The following ANK3 variants were observed in gnomAD, a reference collection of about 807,000 sequenced individuals.
ANK3 encodes ankyrin-3.
ANK3 carries 57 observed loss-of-function variants against 370.9 expected under a neutral mutation model. The ratio of observed to expected loss-of-function variants is 0.15; its 90% CI spans 0.12 to 0.19. The LOEUF is 0.19. Among genes scored for constraint, ANK3 ranks in the 10% least tolerant of loss-of-function variants. The probability of loss-of-function intolerance (pLI) is 1.00; values close to 1 mark genes in which losing one functional copy is unlikely to be tolerated. For synonymous variants in ANK3, 1,929 were observed against 1,946.3 expected (o/e 0.99, Z 0.23); for missense variants, 4,439 against 5,302.1 (o/e 0.84, Z 5.06).
Position 60,693,644 on chromosome 10 carries a change from A to AC in ANK3, c.57+39618dup, listed in dbSNP as rs1384240863. On this transcript the variant is annotated intron_variant, in intron 1 of 43. Coordinates refer to the ANK3 transcript ENST00000373827. ...GGCACCCCCCAGCAGGGGCAGATTGACCCCTCACACAGCCAGGTACTCCAA... is the reference window on the plus strand; with the variant it reads ...GGCACCCCCCAGCAGGGGCAGATTGACCCCCTCACACAGCCAGGTACTCCAA... Among the ~76,000 whole-genome samples the AC allele has an allele frequency of 2.0e-5, 3 of 152,154 alleles. No homozygotes were observed. In the South Asian group the frequency reaches 6.2e-4, roughly 32 times the overall value.
At position 60,279,116 on chromosome 10, in the gene ANK3, T is replaced by C; in HGVS notation, c.249A>G (p.Lys83=). The C allele has an allele frequency of 6.2e-7, 1 of 1,613,860 alleles. No individual in the cohort carries two copies. Among genetic ancestry groups the C allele is most frequent in the Non-Finnish European group, 8.5e-7 (1 of 1,179,880 alleles). ...CAGAAACAACCTCTACATGGCCTTCTTTGGAAGCAAGGTGGAGAGCGTTCA... is the reference window on the plus strand; with the variant it reads ...CAGAAACAACCTCTACATGGCCTTCCTTGGAAGCAAGGTGGAGAGCGTTCA... ...NGLNALHLAS[K]EGHVEVVSEL... is the part of the protein sequence containing the mutation. Residue 83 remains lysine (K), a synonymous_variant, in exon 3 of 44, where the codon AAA becomes AAG. Transcript: ENST00000280772.
At chr10:60,558,549 A>C (rs1567144623) in intron 2 of ANK3, among the ~76,000 whole-genome samples, 1 of 152,240 alleles carries the variant, frequency 6.6e-6, no homozygotes, top group East Asian at 1.9e-4. Flanking sequence ...CTTATATACC[A>C]CCCTATTCCC....
chr10:60,250,399 C>G (rs1175927159), intron 7 of ANK3, among the ~76,000 whole-genome samples: 1 of 152,180 alleles, frequency 6.6e-6, no homozygotes, highest in African/African-American at 2.4e-5. Context: ...GAGTCTCGCT[C>G]TGTCGCCCAG....
chr10:60,081,674 C>T (rs546170035), intron 35 of ANK3: 58 of 330,376 alleles, frequency 1.8e-4, no homozygotes, highest in African/African-American at 1.2e-3. Flanking sequence ...AATGTTATAA[C>T]ATGCTGGATA....
rs758097288 is a variant in ANK3, at chr10:60,076,157, C to T, written c.4724G>A (p.Arg1575Gln). ...AGTTTTTATCGGCGAAGACATTGTCCGAAAGGATCTAATTGGAGATGCCAC... is the reference window on the plus strand; with the variant it reads ...AGTTTTTATCGGCGAAGACATTGTCTGAAAGGATCTAATTGGAGATGCCAC... ...SDVASPIRSF[R>Q]TMSSPIKTVV... Residue 1575 changes from arginine to glutamine, a missense_variant, in exon 37 of 44, where the codon CGG becomes CAG. Arg to Gln is a conservative substitution (Grantham distance 43, BLOSUM62 1). Transcript: ENST00000280772. 1.1e-5 allele frequency: 17 copies of T among 1,614,112 alleles called. No homozygotes were observed. The highest frequency in any genetic ancestry group is 2.7e-5 in the African/African-American group (2 of 75,016).
intron 2 of ANK3, among the ~76,000 whole-genome samples, chr10:60,614,429 A>G (rs368788905): frequency 1.3e-5 from 2 of 152,338 alleles, no homozygotes; most frequent in South Asian, 4.1e-4. Context: ...CTATTTCTAT[A>G]TGAAGAAAAT....
chr10:60,155,897 G>A (rs533101946), intron 23 of ANK3, among the ~76,000 whole-genome samples: 2 of 152,314 alleles, frequency 1.3e-5, no homozygotes, highest in South Asian at 4.1e-4. Context: ...CAGGCCTTTG[G>A]CCACAGACTG....
At chr10:60,629,624 C>A (rs1214323530) in intron 1 of ANK3, among the ~76,000 whole-genome samples, 1 of 151,908 alleles carries the variant, frequency 6.6e-6, no homozygotes, top group Non-Finnish European at 1.5e-5. Flanking sequence ...GTCTAGAGAC[C>A]AAATAGCTCA....
In ANK3 at chr10:60,111,702, AGG is replaced by A. The variant is rs1386572208; in HGVS notation, c.2948+2521_2948+2522del. ...ATTCACATAAATTAAAAATACAAAA[AGG>A]ATGGTTCACATAAAGGACACAGTTA... On this transcript the variant is annotated intron_variant, in intron 26 of 43. Coordinates refer to ENST00000280772, the MANE Select transcript of ANK3 (RefSeq NM_020987.5). 8.9e-6 allele frequency: 4 copies of A among 450,716 alleles called. No homozygotes were observed. In the Admixed American group the frequency reaches 9.6e-5, roughly 11 times the overall value. The allele number at this position is 450,716 out of a possible 1,614,324, so 27.9% of individuals were successfully genotyped here. A position where few individuals can be genotyped will look rare whatever the true frequency, so the allele number is the denominator to read the frequency against.
chr10:60,063,962 A>C (rs530548630), intron 39 of ANK3, among the ~76,000 whole-genome samples, 195 bp downstream of exon 39: 2 of 152,360 alleles, frequency 1.3e-5, no homozygotes, highest in South Asian at 4.1e-4. Flanking sequence ...TCTGAAGAAT[A>C]GAAGTTTAGA....
At chr10:60,150,024 G>A (rs1008887243) in intron 23 of ANK3, among the ~76,000 whole-genome samples, 2 of 152,174 alleles carry the variant, frequency 1.3e-5, no homozygotes, top group African/African-American at 4.8e-5. Context: ...TACCACTTGT[G>A]CTCTTTTGAT....
At chr10:60,100,485 C>G (rs192029162) in intron 28 of ANK3, among the ~76,000 whole-genome samples, 4 of 152,200 alleles carry the variant, frequency 2.6e-5, no homozygotes, top group Admixed American at 2.6e-4. Context: ...TCTGAGAAGT[C>G]TGTTTCTAAG....
intron 1 of ANK3, 96 bp downstream of exon 1, chr10:60,389,329 A>G: frequency 2.6e-6 from 3 of 1,145,312 alleles, no homozygotes; most frequent in Admixed American, 2.1e-5. Flanking sequence ...TCTACCCAGC[A>G]TGTAAAAATA....
chr10:60,422,955 C>G (rs577512049), intron 2 of ANK3, among the ~76,000 whole-genome samples: 32 of 152,132 alleles, frequency 2.1e-4, no homozygotes, highest in African/African-American at 6.7e-4. Flanking sequence ...CAATGAGGCA[C>G]TATTGACATT....
At position 60,213,396 on chromosome 10, in the gene ANK3, C is replaced by T. The variant is rs767933924; in HGVS notation, c.996+16G>A. On this transcript the variant is annotated intron_variant, in intron 9 of 43. Coordinates refer to ENST00000280772, the MANE Select transcript of ANK3 (RefSeq NM_020987.5). ...ATAAATACAGTCCAATGTCCAGAAA[C>T]CTGAAAAGAAATTACCTTGGTTTTT... The T allele has an allele frequency of 1.3e-6, 2 of 1,588,080 alleles. No individual in the cohort carries two copies. The highest frequency in any genetic ancestry group is 1.7e-6 in the Non-Finnish European group (2 of 1,157,820).
intron 2 of ANK3, among the ~76,000 whole-genome samples, chr10:60,583,996 A>G (rs2077795316): frequency 6.6e-6 from 1 of 152,168 alleles, no homozygotes; most frequent in African/African-American, 2.4e-5. Context: ...GAACCATCAC[A>G]TTGTACCCCC....
At chr10:60,723,937 GC>G (rs1725677402) in intron 1 of ANK3, among the ~76,000 whole-genome samples, 1 of 151,888 alleles carries the variant, frequency 6.6e-6, no homozygotes, top group African/African-American at 2.4e-5. Flanking sequence ...GAGGCTGGGC[GC>G]GGTGGCTCAC....
At chr10:60,667,445 C>T (rs2079012923) in intron 1 of ANK3, among the ~76,000 whole-genome samples, 1 of 151,928 alleles carries the variant, frequency 6.6e-6, no homozygotes, top group South Asian at 2.1e-4. Flanking sequence ...ACAAGTTTTG[C>T]TAAACACAAT....
In ANK3 at chr10:60,075,851, G is replaced by A. The variant is rs2083675695; in HGVS notation, c.5030C>T (p.Ser1677Leu). ...TGCTGATTTAACTGGAGACACCACT[G>A]ACTTTAAAGGTGAAGATATTAGCGG... ...AAPLISSPLKSVVSPVKSAVD... is the reference protein window; with the variant it reads ...AAPLISSPLKLVVSPVKSAVD... The change falls in exon 37 of 44, where the codon TCA (serine) becomes TTA (leucine). Residue 1677 changes from serine to leucine, a missense_variant. By Grantham distance (145) the Ser-to-Leu change is moderately radical. Around this residue, in one of 13 missense-constraint regions of ANK3, gnomAD observed 679 missense variants for 791.0 expected, o/e 0.86. Transcript: ENST00000280772. 2 of 1,614,142 alleles carry A rather than the reference G, an allele frequency of 1.2e-6. No individual in the cohort carries two copies. The highest frequency in any genetic ancestry group is 1.7e-6 in the Non-Finnish European group (2 of 1,179,996).
Sources: gnomAD v4.1 joint callset for allele counts (sites outside exome capture counted in the v4.1 genomes callset) on GRCh38, gnomAD v4.1.1 for gene constraint, gnomAD v4.1.1 regional missense constraint, MANE v1.5 for transcripts, NCBI Gene and HGNC (gene_info 2026-07-23, HGNC 2026-07-21) for gene names.